Variants in NAA35 observed in about 807,000 individuals in gnomAD.
NAA35 encodes the protein MAK10 homolog, amino-acid N-acetyltransferase subunit.
NAA35 carries 18 observed loss-of-function variants against 101.7 expected under a neutral mutation model. The observed-to-expected ratio is 0.18, with a 90% CI of 0.12 to 0.26. The LOEUF is 0.26. NAA35 is among the 10% of genes least tolerant of loss of function. NAA35 has a pLI of 1.00. For missense variants in NAA35, 601 were observed against 886.8 expected, an observed-to-expected ratio of 0.68 and a Z score of 4.09; for synonymous variants, 267 against 273.1, an observed-to-expected ratio of 0.98 and a Z score of 0.22.
In NAA35 at chr9:85,942,240, A is replaced by C. The variant is rs1828554842; in HGVS notation, c.81A>C (p.Thr27=). 5.0e-6 allele frequency: 8 copies of C among 1,614,154 alleles called. No individual in the cohort carries two copies. The African/African-American group carries it at 6.7e-5, about 13-fold the overall frequency. Residue 27 remains threonine, a synonymous_variant, in exon 2 of 23, where the codon ACA becomes ACC. Coordinates refer to ENST00000361671, the MANE Select transcript of NAA35 (RefSeq NM_024635.4). ...SMPEKMEKSN[T]NWVDITQDFE... is the part of the protein sequence containing the mutation. ...CAGAAAAAATGGAGAAAAGCAATACAAACTGGGTGGACATTACCCAAGATT... is the reference window on the plus strand; with the variant it reads ...CAGAAAAAATGGAGAAAAGCAATACCAACTGGGTGGACATTACCCAAGATT...
At chr9:85,993,993 A>G (rs994135354) in intron 11 of NAA35, among the ~76,000 whole-genome samples, 3 of 146,670 alleles carry the variant, frequency 2.0e-5, no homozygotes, top group Non-Finnish European at 4.5e-5. Flanking sequence ...TTTTTTTTGT[A>G]GTGACTGGGT....
At chr9:86,012,958 TAAACC>T in intron 15 of NAA35, 83 bp from the exon 16 acceptor site, 1 of 869,772 alleles carries the variant, frequency 1.1e-6, no homozygotes, top group African/African-American at 1.7e-5. Context: ...TTTTTTCCCT[TAAACC>T]AGATTGTGAA....
At position 85,996,487 on chromosome 9, in the gene NAA35, G is replaced by A; in HGVS notation, c.966G>A (p.Arg322=). 1.9e-6 allele frequency: 3 copies of A among 1,607,840 alleles called. No individual in the cohort carries two copies. Among genetic ancestry groups the A allele is most frequent in the South Asian group, 1.1e-5 (1 of 89,544 alleles). Residue 322 remains arginine (R), a synonymous_variant, in exon 12 of 23, where the codon AGG becomes AGA. Transcript: ENST00000361671. Reference sequence around the variant, plus strand: ...CTCGATATGCAAAAATAATTAAAAGGGAAGAAATGGTGAACTATTTTGCAA... The same window carrying A: ...CTCGATATGCAAAAATAATTAAAAGAGAAGAAATGGTGAACTATTTTGCAA... The part of the protein sequence containing the change: ...TFPRYAKIIK[R]EEMVNYFARL...
chr9:85,998,627 TTTTTTTG>T (rs1253766437), intron 12 of NAA35, among the ~76,000 whole-genome samples: 2 of 152,118 alleles, frequency 1.3e-5, no homozygotes, highest in Non-Finnish European at 2.9e-5. Flanking sequence ...AGATGGAGCT[TTTTTTTG>T]TTTTTTGTTT....
chr9:86,021,694 T>C lies in NAA35; in HGVS notation c.2119-207T>C, dbSNP rs559742780. 4.6e-5 allele frequency among the ~76,000 whole-genome samples: 7 copies of C among 152,358 alleles called. No individual in the cohort carries two copies. In the South Asian group the frequency reaches 1.4e-3, roughly 32 times the overall value. ...AACAGCTGGTCAGCCTGTTTTCTTATGATCTTCATAAAACTCAAAAACAAA... is the reference window on the plus strand; with the variant it reads ...AACAGCTGGTCAGCCTGTTTTCTTACGATCTTCATAAAACTCAAAAACAAA... On this transcript the variant is annotated intron_variant, in intron 22 of 22. Coordinates refer to ENST00000361671, the MANE Select transcript of NAA35 (RefSeq NM_024635.4).
At chr9:85,968,485 A>T (rs1829857324) in intron 6 of NAA35, among the ~76,000 whole-genome samples, 1 of 152,216 alleles carries the variant, frequency 6.6e-6, no homozygotes, top group African/African-American at 2.4e-5. Context: ...TGCTGGAATT[A>T]CAAGTGTGAG....
intron 13 of NAA35, among the ~76,000 whole-genome samples, chr9:86,006,573 T>C (rs1831652519): frequency 6.6e-6 from 1 of 152,166 alleles, no homozygotes; most frequent in Non-Finnish European, 1.5e-5. Context: ...TTCGTTTTAA[T>C]GACATTCTGG....
At chr9:85,974,447 A>G (rs566579933) in intron 6 of NAA35, among the ~76,000 whole-genome samples, 1 of 152,328 alleles carries the variant, frequency 6.6e-6, no homozygotes, top group East Asian at 1.9e-4. Context: ...TGGGGGTCCT[A>G]TGTCTGAATG....
intron 12 of NAA35, among the ~76,000 whole-genome samples, chr9:85,996,780 A>C (rs1244687871): frequency 6.6e-6 from 1 of 152,184 alleles, no homozygotes; most frequent in Non-Finnish European, 1.5e-5. Flanking sequence ...CTATACATAC[A>C]TACTGTTTAA....
intron 2 of NAA35, among the ~76,000 whole-genome samples, chr9:85,948,796 T>C (rs1799407760): frequency 6.6e-6 from 1 of 152,162 alleles, no homozygotes; most frequent in Non-Finnish European, 1.5e-5. Flanking sequence ...TCGCTCTTGC[T>C]GCCCAGGCTG....
At chr9:85,947,939 G>A (rs1225137218) in intron 2 of NAA35, among the ~76,000 whole-genome samples, 2 of 152,196 alleles carry the variant, frequency 1.3e-5, no homozygotes, top group Admixed American at 1.3e-4. Flanking sequence ...CTCTTCTGCA[G>A]TGTTGAATAC....
chr9:85,993,005 A>G (rs1830983987), intron 11 of NAA35, among the ~76,000 whole-genome samples: 1 of 152,106 alleles, frequency 6.6e-6, no homozygotes, highest in Non-Finnish European at 1.5e-5. Context: ...TGCTTTTGAT[A>G]TGTGAATGGA....
At chr9:86,019,063 A>G (rs753729761) in intron 21 of NAA35, among the ~76,000 whole-genome samples, 1 of 152,240 alleles carries the variant, frequency 6.6e-6, no homozygotes, top group East Asian at 1.9e-4. Context: ...TGCAAAGACA[A>G]ATTACAACTC....
intron 13 of NAA35, among the ~76,000 whole-genome samples, chr9:86,006,622 C>G (rs1158844017): frequency 6.6e-6 from 1 of 152,138 alleles, no homozygotes; most frequent in Non-Finnish European, 1.5e-5. Flanking sequence ...CAGATCAGTG[C>G]TTGCCAGGGG....
chr9:85,989,964 T>C (rs972014092), intron 11 of NAA35, among the ~76,000 whole-genome samples: 1 of 152,238 alleles, frequency 6.6e-6, no homozygotes, highest in African/African-American at 2.4e-5. Flanking sequence ...GAGATAAGAT[T>C]ATTCAAGTTT....
At chr9:85,952,880 C>G (rs1829081558) in intron 2 of NAA35, among the ~76,000 whole-genome samples, 1 of 151,912 alleles carries the variant, frequency 6.6e-6, no homozygotes, top group African/African-American at 2.4e-5. Flanking sequence ...TTTATTTTGC[C>G]CAGCTTTTTT....
rs186220082 is a variant in NAA35 at position 85,941,979 on chromosome 9, G to C, written c.-5-176G>C. ...GTAAGCAGCAGGAGTGTTAATTGAC[G>C]TGCGATTTGATTGCATTAAGGTTAT... On this transcript the variant is annotated intron_variant, in intron 1 of 22. Coordinates refer to ENST00000361671, the MANE Select transcript of NAA35 (RefSeq NM_024635.4). The C allele has an allele frequency of 1.1e-4, 142 of 1,235,524 alleles. No individual in the cohort carries two copies. In the Middle Eastern group the frequency reaches 1.2e-3, roughly 11 times the overall value. 76.5% of individuals were successfully genotyped at this position (1,235,524 alleles called of 1,614,324 possible). A position where few individuals can be genotyped will look rare whatever the true frequency, so the allele number is the denominator to read the frequency against.
At chr9:85,986,660 A>T in intron 11 of NAA35, 2 of 320,044 alleles carry the variant, frequency 6.2e-6, no homozygotes, top group Non-Finnish European at 1.2e-5. Context: ...TCTCGGCTCA[A>T]TGCAACCTCT....
rs371305467 is a variant in NAA35 at position 85,973,871 on chromosome 9, GCTCA to G, written c.517-1093_517-1090del. On this transcript the variant is annotated intron_variant, in intron 6 of 22. Transcript: ENST00000361671. ...GTATAGTACCTCACTTGAATTTGAT[GCTCA>G]CTGTTTTTTTTTTTAAGAATCCAGA... is the stretch of plus-strand genomic sequence containing the variant. 5.0e-3 allele frequency among the ~76,000 whole-genome samples: 761 copies of G among 151,580 alleles called. 3 individuals carry two copies. The highest frequency in any genetic ancestry group is 0.018 in the African/African-American group (724 of 41,294).
Sources: allele counts gnomAD v4.1 joint callset (sites outside exome capture counted in the v4.1 genomes callset), GRCh38; gene constraint gnomAD v4.1.1; transcripts MANE v1.5; gene names NCBI Gene and HGNC (gene_info 2026-07-23, HGNC 2026-07-21).